The following B3GALT5 variants were observed in gnomAD, a reference collection of about 807,000 sequenced individuals.
B3GALT5 encodes the protein UDP-Gal:betaGlcNAc beta 1,3-galactosyltransferase, polypeptide 5.
For synonymous variants in B3GALT5, 156 were observed against 158.6 expected (o/e 0.98, Z 0.12); for missense variants, 328 against 396.6 (o/e 0.83, Z 1.47).
At chr21:39,613,396 G>GCA (rs2079091020) in intron 1 of B3GALT5, among the ~76,000 whole-genome samples, 1 of 152,132 alleles carries the variant, frequency 6.6e-6, no homozygotes, top group African/African-American at 2.4e-5. Flanking sequence ...TGGAAACATC[G>GCA]CACAATTAAA....
chr21:39,661,700 A>C lies in B3GALT5; in HGVS notation c.*208A>C. ...CGTCTCTTGGGCACGCACACTCTTC[A>C]TACTAAGTGTTTGACATACACCTGG... On this transcript the variant is annotated 3_prime_UTR_variant, in exon 4 of 4. Transcript: ENST00000684187. The surrounding 1 kb of genome is among the most constrained non-coding windows in gnomAD (Gnocchi z 4.7). 2.1e-6 allele frequency: 1 copy of C among 481,572 alleles called. No individual in the cohort carries two copies. 29.8% of individuals were successfully genotyped at this position (481,572 alleles called of 1,614,324 possible). A position where few individuals can be genotyped will look rare whatever the true frequency, so the allele number is the denominator to read the frequency against.
At chr21:39,614,317 C>T (rs371784761) in intron 1 of B3GALT5, among the ~76,000 whole-genome samples, 3 of 151,998 alleles carry the variant, frequency 2.0e-5, no homozygotes, top group Admixed American at 6.6e-5. Flanking sequence ...AAAGTCAGTT[C>T]GTCTTAAGTA....
intron 1 of B3GALT5, among the ~76,000 whole-genome samples, chr21:39,639,296 T>TTC (rs1416982577): frequency 2.5e-3 from 149 of 59,006 alleles, no homozygotes; most frequent in African/African-American, 9.9e-3. Flanking sequence ...GGCTCTTTCT[T>TTC]TCTTTCTTTC....
chr21:39,660,758 C>T lies in B3GALT5; in HGVS notation c.199C>T (p.His67Tyr). Residue 67 changes from histidine to tyrosine, a missense_variant, in exon 4 of 4, where the codon CAC becomes TAC. His to Tyr is a moderately conservative substitution (Grantham distance 83). Coordinates refer to ENST00000684187, the MANE Select transcript of B3GALT5 (RefSeq NM_001356336.2). ...CCTCGTCCTGCTGGTGACCTCATCC[C>T]ACAAACAGTTGGCTGAGCGCATGGC... ...PFLVLLVTSS[H>Y]KQLAERMAIR... 1 of 1,552,946 alleles carries T rather than the reference C, an allele frequency of 6.4e-7. No homozygotes were observed. The highest frequency in any genetic ancestry group is 8.7e-7 in the Non-Finnish European group (1 of 1,149,386).
At chr21:39,613,885 GC>G (rs936852288) in intron 1 of B3GALT5, among the ~76,000 whole-genome samples, 2 of 152,212 alleles carry the variant, frequency 1.3e-5, no homozygotes, top group African/African-American at 4.8e-5. Flanking sequence ...TGTTAGCATA[GC>G]AAACTTAAGT....
rs1163401684 is a variant in B3GALT5 at position 39,666,557 on chromosome 21, G to C, written c.*5065G>C. On this transcript the variant is annotated 3_prime_UTR_variant, in exon 4 of 4. Transcript: ENST00000684187. ...AATCTACGTGCCTCAGCCTCCCAGA[G>C]TGCTGGGATTATAGGTGTGAGCCAC... is the stretch of plus-strand genomic sequence containing the variant. The C allele has an allele frequency of 6.6e-6, 1 of 152,262 alleles. No homozygotes were observed. Among genetic ancestry groups the C allele is most frequent in the Non-Finnish European group, 1.5e-5 (1 of 68,142 alleles). 9.4% of individuals were successfully genotyped at this position (152,262 alleles called of 1,614,324 possible).
intron 1 of B3GALT5, among the ~76,000 whole-genome samples, chr21:39,628,159 C>A (rs915988779): frequency 1.3e-5 from 2 of 152,186 alleles, no homozygotes; most frequent in African/African-American, 2.4e-5. Context: ...TAGACAAAGA[C>A]TTTAAAATCG....
rs567140223 is a variant in B3GALT5 at position 39,620,325 on chromosome 21, T to A, written c.-392+7258T>A. Among the ~76,000 whole-genome samples the A allele has an allele frequency of 6.6e-5, 10 of 152,320 alleles. No homozygotes were observed. The South Asian group carries it at 2.1e-3, about 32-fold the overall frequency. On this transcript the variant is annotated intron_variant, in intron 1 of 3. Coordinates refer to ENST00000684187, the MANE Select transcript of B3GALT5 (RefSeq NM_001356336.2). ...GAGTTCAGGGTAGTTATTTGTAGAG[T>A]ATTCCTCAATTTGGAGTTGCCTGAT...
At position 39,667,736 on chromosome 21, in the gene B3GALT5, T is replaced by TG. The variant is rs1418541975; in HGVS notation, c.*6248dup. On this transcript the variant is annotated 3_prime_UTR_variant, in exon 4 of 4. Coordinates refer to ENST00000684187, the MANE Select transcript of B3GALT5 (RefSeq NM_001356336.2). ...GTTACTGTCTACCTGGTGGGGAAGC[T>TG]GGGGAAAAGGGCCCATGGGAGGATA... The TG allele has an allele frequency of 6.6e-6, 1 of 152,138 alleles. No individual in the cohort carries two copies. The highest frequency in any genetic ancestry group is 1.5e-5 in the Non-Finnish European group (1 of 68,026). The allele number at this position is 152,138 out of a possible 1,614,324, so 9.4% of individuals were successfully genotyped here.
At chr21:39,633,209 C>G (rs1339865634) in intron 1 of B3GALT5, among the ~76,000 whole-genome samples, 1 of 151,940 alleles carries the variant, frequency 6.6e-6, no homozygotes, top group Non-Finnish European at 1.5e-5. Flanking sequence ...TTCTGTGGAC[C>G]CCTGGTCTTA....
intron 1 of B3GALT5, among the ~76,000 whole-genome samples, chr21:39,642,980 A>T (rs1032538424): frequency 5.9e-5 from 9 of 151,704 alleles, no homozygotes; most frequent in African/African-American, 2.2e-4. Context: ...TGAGCCCGAG[A>T]GGTCAAGGCT....
chr21:39,621,974 C>G (rs2079136621), intron 1 of B3GALT5, among the ~76,000 whole-genome samples: 1 of 151,834 alleles, frequency 6.6e-6, no homozygotes, highest in South Asian at 2.1e-4. Flanking sequence ...TTTTTCGTAG[C>G]TTCTTGAAGT....
chr21:39,666,823 C>T lies in B3GALT5; in HGVS notation c.*5331C>T, dbSNP rs2079582528. ...ACAATAACTTGCCAGGCCTTCTTTCCTTGAGCCCCATATCCCACGCCCGCT... is the reference window on the plus strand; with the variant it reads ...ACAATAACTTGCCAGGCCTTCTTTCTTTGAGCCCCATATCCCACGCCCGCT... On this transcript the variant is annotated 3_prime_UTR_variant, in exon 4 of 4. Transcript: ENST00000684187. 6.6e-6 allele frequency: 1 copy of T among 152,256 alleles called. No individual in the cohort carries two copies. Among genetic ancestry groups the T allele is most frequent in the South Asian group, 2.1e-4 (1 of 4,830 alleles). The allele number at this position is 152,256 out of a possible 1,614,324, so 9.4% of individuals were successfully genotyped here.
intron 1 of B3GALT5, among the ~76,000 whole-genome samples, chr21:39,645,884 T>C (rs774054107): frequency 2.0e-5 from 3 of 151,586 alleles, no homozygotes; most frequent in Non-Finnish European, 4.4e-5. Flanking sequence ...TTTACTCTGT[T>C]AAACAAAGGT....
In B3GALT5 at chr21:39,663,506, C is replaced by G. The variant is rs1292897289; in HGVS notation, c.*2014C>G. The G allele has an allele frequency of 1.4e-5, 2 of 143,576 alleles. No individual in the cohort carries two copies. Among genetic ancestry groups the G allele is most frequent in the Admixed American group, 7.0e-5 (1 of 14,260 alleles). 8.9% of individuals were successfully genotyped at this position (143,576 alleles called of 1,614,324 possible). A position where few individuals can be genotyped will look rare whatever the true frequency, so the allele number is the denominator to read the frequency against. On this transcript the variant is annotated 3_prime_UTR_variant, in exon 4 of 4. Transcript: ENST00000684187. ...TTCTTTTCTTTTTTTCTGACAGGGT[C>G]TCACCCTGTCACCCAAGCTGGAGCG...
intron 1 of B3GALT5, among the ~76,000 whole-genome samples, chr21:39,630,104 A>G (rs1188671011): frequency 3.9e-5 from 6 of 152,218 alleles, no homozygotes; most frequent in Admixed American, 3.9e-4. Context: ...CTAACAACCA[A>G]CACTCAAAGC....
At chr21:39,649,904 G>A (rs2079378384) in intron 2 of B3GALT5, among the ~76,000 whole-genome samples, 1 of 152,204 alleles carries the variant, frequency 6.6e-6, no homozygotes, top group Non-Finnish European at 1.5e-5. Flanking sequence ...ACATGGAAAT[G>A]TAAAGGTGGA....
intron 1 of B3GALT5, among the ~76,000 whole-genome samples, chr21:39,626,604 T>G (rs1471033613): frequency 1.3e-5 from 2 of 150,718 alleles, no homozygotes; most frequent in Admixed American, 6.6e-5. Context: ...TTATTTTCTG[T>G]TTTTTTTTCT....
chr21:39,642,196 G>A (rs2079295385), intron 1 of B3GALT5, among the ~76,000 whole-genome samples: 1 of 152,158 alleles, frequency 6.6e-6, no homozygotes, highest in Admixed American at 6.5e-5. Context: ...CATTGCACTT[G>A]GATTCATGGG....
Sources: allele counts gnomAD v4.1 joint callset (sites outside exome capture counted in the v4.1 genomes callset), GRCh38; gene constraint gnomAD v4.1.1; non-coding constraint Gnocchi (gnomAD v3.1); transcripts MANE v1.5; gene names NCBI Gene and HGNC (gene_info 2026-07-23, HGNC 2026-07-21).